CLDN10: variants seen among roughly 807,000 people sequenced by gnomAD.
The protein encoded by CLDN10 is claudin-10.
Under a neutral mutation model 22.9 loss-of-function variants are expected in CLDN10, and 15 were observed. The observed-to-expected ratio is 0.65, with a 90% CI of 0.44 to 1.01. The LOEUF is 1.01. Among genes scored for constraint, CLDN10 ranks in the 50% least tolerant of loss-of-function variants. The pLI is 0.00. For synonymous variants in CLDN10, 114 were observed against 111.4 expected, an observed-to-expected ratio of 1.02 and a Z score of -0.15; for missense variants, 247 against 287.8, an observed-to-expected ratio of 0.86 and a Z score of 1.03.
intron 1 of CLDN10, among the ~76,000 whole-genome samples, chr13:95,435,470 T>G (rs956247703): frequency 5.9e-5 from 9 of 152,198 alleles, no homozygotes; most frequent in Admixed American, 2.0e-4. Context: ...CCAGGAGATT[T>G]CTAATGACAA....
intron 1 of CLDN10, among the ~76,000 whole-genome samples, chr13:95,557,509 C>T (rs1289543255): frequency 1.3e-5 from 2 of 152,136 alleles, no homozygotes; most frequent in Non-Finnish European, 2.9e-5. Flanking sequence ...GGGAGTTTAT[C>T]CCCTGCTCTT....
At chr13:95,573,347 T>C (rs2043885611) in intron 3 of CLDN10, among the ~76,000 whole-genome samples, 2 of 152,320 alleles carry the variant, frequency 1.3e-5, no homozygotes, top group African/African-American at 4.8e-5. Flanking sequence ...TGGATATGGA[T>C]TGGTCCAGTG....
chr13:95,577,795 G>A, intron 4 of CLDN10, 105 bp from the exon 5 acceptor site: 1 of 651,880 alleles, frequency 1.5e-6, no homozygotes, highest in Non-Finnish European at 2.7e-6. Context: ...GAAAGAGGAA[G>A]ATTTACATTT....
At chr13:95,448,446 G>A (rs983139668) in intron 1 of CLDN10, among the ~76,000 whole-genome samples, 3 of 152,154 alleles carry the variant, frequency 2.0e-5, no homozygotes, top group Non-Finnish European at 2.9e-5. Flanking sequence ...CATGCACCTT[G>A]CAGACACCTC....
At chr13:95,434,315 T>C (rs186634448) in intron 1 of CLDN10, among the ~76,000 whole-genome samples, 6 of 152,156 alleles carry the variant, frequency 3.9e-5, no homozygotes, top group African/African-American at 1.4e-4. Context: ...AGTGACTGGA[T>C]TGTTTTAAAA....
chr13:95,461,373 G>T (rs1383988670), intron 1 of CLDN10, among the ~76,000 whole-genome samples: 2 of 152,192 alleles, frequency 1.3e-5, no homozygotes, highest in African/African-American at 2.4e-5. Flanking sequence ...TCATTCAGGA[G>T]AGGAAAGAAC....
At position 95,555,328 on chromosome 13, in the gene CLDN10, G is replaced by A. The variant is rs145496950; in HGVS notation, c.220+2355G>A. 2.5e-4 allele frequency among the ~76,000 whole-genome samples: 38 copies of A among 152,304 alleles called. 1 individual carries two copies. The East Asian group carries it at 7.2e-3, about 29-fold the overall frequency. On this transcript the variant is annotated intron_variant, in intron 1 of 4. Transcript: ENST00000299339. ...CTCCCAAAGTGCCGGGATTACAGGTGTGCGCCACCGCGCCCAGCCATCTTA... is the reference window on the plus strand; with the variant it reads ...CTCCCAAAGTGCCGGGATTACAGGTATGCGCCACCGCGCCCAGCCATCTTA...
intron 1 of CLDN10, among the ~76,000 whole-genome samples, chr13:95,547,494 A>G (rs572610345): frequency 6.6e-6 from 1 of 152,252 alleles, no homozygotes. Flanking sequence ...GAGAGGCATG[A>G]ATGAACTGAA....
At chr13:95,575,308 C>A (rs946897787) in intron 3 of CLDN10, among the ~76,000 whole-genome samples, 1 of 152,194 alleles carries the variant, frequency 6.6e-6, no homozygotes, top group East Asian at 1.9e-4. Flanking sequence ...TAGTTGTCTG[C>A]AGTAAAAAGG....
chr13:95,502,636 T>C (rs993023748), intron 1 of CLDN10, among the ~76,000 whole-genome samples: 2 of 152,092 alleles, frequency 1.3e-5, no homozygotes, highest in African/African-American at 4.8e-5. Flanking sequence ...TCTCCTGCCT[T>C]AGCCTCCCGA....
intron 1 of CLDN10, among the ~76,000 whole-genome samples, chr13:95,507,343 A>G (rs1027512653): frequency 3.3e-5 from 5 of 152,208 alleles, no homozygotes; most frequent in Admixed American, 1.3e-4. Context: ...TTGTGAAGTA[A>G]TAAACCAGGG....
At chr13:95,548,875 T>C (rs1470079977), upstream of CLDN10, among the ~76,000 whole-genome samples, 1 of 152,224 alleles carries the variant, frequency 6.6e-6, no homozygotes, top group Non-Finnish European at 1.5e-5. Context: ...AGAAAATCCT[T>C]GAGCTATTGA....
chr13:95,480,959 C>G (rs1594549751), intron 1 of CLDN10, among the ~76,000 whole-genome samples: 1 of 152,184 alleles, frequency 6.6e-6, no homozygotes, highest in South Asian at 2.1e-4. Context: ...GAGCTAACCC[C>G]CAGCTGCCAT....
intron 1 of CLDN10, among the ~76,000 whole-genome samples, chr13:95,442,780 A>G (rs532140331): frequency 6.6e-6 from 1 of 152,120 alleles, no homozygotes; most frequent in East Asian, 1.9e-4. Flanking sequence ...AACGATGCAA[A>G]CTCGAGCACA....
At chr13:95,550,401 T>C (rs1273039602), upstream of CLDN10, among the ~76,000 whole-genome samples, 1 of 152,208 alleles carries the variant, frequency 6.6e-6, no homozygotes, top group East Asian at 1.9e-4. Flanking sequence ...GTCACAGCAC[T>C]ACACTTGTTT....
rs184477609 is a variant in CLDN10 at position 95,457,903 on chromosome 13, C to T, written c.214+23856C>T. On this transcript the variant is annotated intron_variant, in intron 1 of 4. Coordinates refer to the CLDN10 transcript ENST00000376873. The stretch of plus-strand genomic sequence containing the variant: ...TATTGTCAGAAAATTGCTATGTAAC[C>T]AACAACCACAGATCCTCATGGTCAA... 3.7e-3 allele frequency among the ~76,000 whole-genome samples: 561 copies of T among 152,194 alleles called. 4 individuals carry two copies. The highest frequency in any genetic ancestry group is 0.013 in the African/African-American group (550 of 41,504).
chr13:95,458,507 C>G (rs2042504885), intron 1 of CLDN10, among the ~76,000 whole-genome samples: 1 of 152,126 alleles, frequency 6.6e-6, no homozygotes, highest in African/African-American at 2.4e-5. Flanking sequence ...AGCAAGCCAC[C>G]TTCTTCACAG....
intron 3 of CLDN10, chr13:95,560,720 T>C (rs4773917): frequency 0.65 from 280,146 of 429,934 alleles, 92,452 homozygotes; most frequent in Non-Finnish European, 0.7. Flanking sequence ...ACTTCATCGT[T>C]TGCTGTACAT....
chr13:95,544,870 C>T (rs189471108), intron 1 of CLDN10, among the ~76,000 whole-genome samples: 7 of 151,870 alleles, frequency 4.6e-5, no homozygotes, highest in East Asian at 1.9e-4. Context: ...TCCATCTCCC[C>T]GGTTCAAGCA....
Sources: gnomAD v4.1 joint callset for allele counts (sites outside exome capture counted in the v4.1 genomes callset) on GRCh38, gnomAD v4.1.1 for gene constraint, MANE v1.5 for transcripts, NCBI Gene and HGNC (gene_info 2026-07-23, HGNC 2026-07-21) for gene names.